Variants in EGF observed in about 807,000 individuals in gnomAD.
The protein encoded by EGF is epidermal growth factor, also known as pro-epidermal growth factor.
A neutral mutation model predicts 143.8 loss-of-function variants in EGF; 95 were observed. The observed-to-expected ratio is 0.66, with a 90% confidence interval of 0.56 to 0.78. EGF has a LOEUF of 0.78. Among genes scored for constraint, EGF ranks in the 30% least tolerant of loss-of-function variants. The pLI, the probability that EGF is intolerant of heterozygous loss-of-function variation, is 0.00. For missense variants in EGF, 1,320 were observed against 1,470.9 expected, an observed-to-expected ratio of 0.90 and a Z score of 1.68; for synonymous variants, 510 against 510.5, an observed-to-expected ratio of 1.00 and a Z score of 0.01.
intron 15 of EGF, among the ~76,000 whole-genome samples, chr4:109,982,858 AGGGTTCTGTG>A (rs1749587921): frequency 1.3e-5 from 2 of 152,238 alleles, no homozygotes; most frequent in Non-Finnish European, 2.9e-5. Flanking sequence ...GGATGAGCCC[AGGGTTCTGTG>A]GATCACAGTT....
intron 4 of EGF, among the ~76,000 whole-genome samples, 180 bp downstream of exon 4, chr4:109,944,249 C>T (rs1329262741): frequency 6.6e-6 from 1 of 152,208 alleles, no homozygotes; most frequent in Admixed American, 6.5e-5. Flanking sequence ...ACCATCCTGG[C>T]TAACACGGTG....
At chr4:109,938,921 G>A (rs1489612857) in intron 1 of EGF, among the ~76,000 whole-genome samples, 1 of 152,148 alleles carries the variant, frequency 6.6e-6, no homozygotes, top group African/African-American at 2.4e-5. Flanking sequence ...TTGCCTGTAT[G>A]AGGTGTCTGT....
chr4:109,978,691 T>C (rs1283027543), intron 13 of EGF, among the ~76,000 whole-genome samples: 2 of 152,232 alleles, frequency 1.3e-5, no homozygotes, highest in African/African-American at 2.4e-5. Context: ...TTAACACTAC[T>C]GAACTTAGAA....
chr4:109,983,416 C>T lies in EGF; in HGVS notation c.2372-6C>T, dbSNP rs1033247279. 3.7e-6 allele frequency: 6 copies of T among 1,613,220 alleles called. No homozygotes were observed. In the South Asian group the frequency reaches 6.6e-5, roughly 18 times the overall value. On this transcript the variant is annotated splice_region_variant and splice_polypyrimidine_tract_variant and intron_variant, in intron 15 of 23. Transcript: ENST00000265171. ...AAATTTAATTGCATCTATTGACCTT[C>T]AATAGGTGGTGAAGTTGATCTAAAG...
chr4:110,008,320 A>G, intron 23 of EGF, 90 bp downstream of exon 23: 1 of 1,416,800 alleles, frequency 7.1e-7, no homozygotes, highest in Non-Finnish European at 9.9e-7. Context: ...AACCACACAC[A>G]CACACACAAA....
chr4:110,002,792 T>C (rs756414649), intron 21 of EGF, among the ~76,000 whole-genome samples: 5 of 152,186 alleles, frequency 3.3e-5, no homozygotes, highest in Admixed American at 2.0e-4. Context: ...ACGGTTATGT[T>C]TTCTGCTCCT....
intron 16 of EGF, among the ~76,000 whole-genome samples, chr4:109,987,347 A>G (rs1750278412): frequency 6.6e-6 from 1 of 151,804 alleles, no homozygotes; most frequent in Non-Finnish European, 1.5e-5. Flanking sequence ...TTTGTCACCC[A>G]GGCTGGAGTG....
chr4:109,988,756 A>T (rs1254400023), intron 18 of EGF, 47 bp downstream of exon 18: 1 of 1,611,680 alleles, frequency 6.2e-7, no homozygotes, highest in Admixed American at 1.7e-5. Context: ...CAGGCCTCAG[A>T]AATCGGGAAA....
In EGF at chr4:110,011,936, G is replaced by A. The variant is rs1273637735; in HGVS notation, c.*481G>A. On this transcript the variant is annotated 3_prime_UTR_variant, in exon 24 of 24. Transcript: ENST00000265171. ...CAGTGTAGGCATTTAACTCCTCATT[G>A]GCGTGGTCCATGCTGATGATTTTGC... is the stretch of plus-strand genomic sequence containing the variant. The A allele has an allele frequency of 6.2e-6, 1 of 162,040 alleles. No individual in the cohort carries two copies. The highest frequency in any genetic ancestry group is 2.4e-5 in the African/African-American group (1 of 41,580). The allele number at this position is 162,040 out of a possible 1,614,324, so 10.0% of individuals were successfully genotyped here.
At chr4:109,915,028 G>A (rs1241821245) in intron 1 of EGF, among the ~76,000 whole-genome samples, 1 of 152,198 alleles carries the variant, frequency 6.6e-6, no homozygotes, top group East Asian at 1.9e-4. Flanking sequence ...TTTATGGATG[G>A]CTCTAGGATC....
At chr4:109,970,846 A>AAAAAAAAAC (rs1560713238) in intron 11 of EGF, among the ~76,000 whole-genome samples, 1 of 150,476 alleles carries the variant, frequency 6.6e-6, no homozygotes, top group Non-Finnish European at 1.5e-5. Context: ...AAAAAAAAAA[A>AAAAAAAAAC]TCTGTTGATT....
At chr4:109,982,531 T>C (rs1227500824) in intron 15 of EGF, among the ~76,000 whole-genome samples, 1 of 152,154 alleles carries the variant, frequency 6.6e-6, no homozygotes, top group Non-Finnish European at 1.5e-5. Flanking sequence ...TTTCACCATG[T>C]TGGCCAGGCT....
At chr4:109,972,175 C>A (rs572903814) in intron 11 of EGF, among the ~76,000 whole-genome samples, 1 of 152,162 alleles carries the variant, frequency 6.6e-6, no homozygotes, top group African/African-American at 2.4e-5. Context: ...GAAGGACACA[C>A]CTCTAGATTA....
intron 15 of EGF, among the ~76,000 whole-genome samples, chr4:109,982,721 T>C (rs1371098494): frequency 6.6e-6 from 1 of 152,156 alleles, no homozygotes; most frequent in Non-Finnish European, 1.5e-5. Flanking sequence ...CCTTTTTCCA[T>C]ACTAAGACAC....
In EGF at chr4:109,959,333, G is replaced by A; in HGVS notation, c.962G>A (p.Arg321Lys). The change falls in exon 6 of 24, where the codon AGG (arginine) becomes AAG (lysine). Residue 321 changes from arginine (R) to lysine (K), a missense_variant. By Grantham distance (26) the Arg-to-Lys change is conservative. Transcript: ENST00000265171. ...TTAGAGCAGAAACTTTGCAAATTGA[G>A]GAAAGGAAACTGCAGCAGCACTGTG... is the stretch of plus-strand genomic sequence containing the variant. Reference protein sequence around the residue: ...WEPEQKLCKLRKGNCSSTVCG... With the variant: ...WEPEQKLCKLKKGNCSSTVCG... 6.2e-7 allele frequency: 1 copy of A among 1,613,670 alleles called. No individual in the cohort carries two copies. Among genetic ancestry groups the A allele is most frequent in the South Asian group, 1.1e-5 (1 of 91,090 alleles).
intron 20 of EGF, among the ~76,000 whole-genome samples, chr4:109,996,970 A>G (rs1460119265): frequency 6.6e-6 from 1 of 151,464 alleles, no homozygotes; most frequent in African/African-American, 2.4e-5. Flanking sequence ...TGGTCAAATC[A>G]CGTTGAGAGA....
intron 8 of EGF, among the ~76,000 whole-genome samples, chr4:109,962,898 C>T (rs1560697854): frequency 6.6e-6 from 1 of 151,946 alleles, no homozygotes; most frequent in Non-Finnish European, 1.5e-5. Context: ...GAAACCCCGT[C>T]TCTACTAAAA....
intron 16 of EGF, among the ~76,000 whole-genome samples, chr4:109,986,820 G>A (rs1215948953): frequency 6.6e-6 from 1 of 151,984 alleles, no homozygotes; most frequent in African/African-American, 2.4e-5. Flanking sequence ...GGATTTCAAT[G>A]GAGTATGAAA....
chr4:110,004,251 CAA>C (rs70954198), intron 21 of EGF: 77 of 490,692 alleles, frequency 1.6e-4, no homozygotes, highest in African/African-American at 8.3e-4. Context: ...CACACACACA[CAA>C]ACACACACAC....
Sources: allele counts gnomAD v4.1 joint callset (sites outside exome capture counted in the v4.1 genomes callset), GRCh38; gene constraint gnomAD v4.1.1; transcripts MANE v1.5; gene names NCBI Gene and HGNC (gene_info 2026-07-23, HGNC 2026-07-21).